Variants in SPATA17 observed in about 807,000 individuals in gnomAD.
The protein encoded by SPATA17 is spermatogenesis associated 17, also known as spermatogenesis-associated protein 17.
Under a neutral mutation model 62.2 loss-of-function variants are expected in SPATA17, and 53 were observed. The ratio of observed to expected loss-of-function variants is 0.85; its 90% CI spans 0.68 to 1.07. SPATA17 has a LOEUF of 1.07. SPATA17 is among the 50% of genes least tolerant of loss of function. The pLI, the probability that SPATA17 is intolerant of heterozygous loss-of-function variation, is 0.00. For synonymous variants in SPATA17, 146 were observed against 146.8 expected (o/e 0.99, Z 0.04); for missense variants, 466 against 425.5 (o/e 1.10, Z -0.84).
intron 5 of SPATA17, among the ~76,000 whole-genome samples, chr1:217,697,590 G>A (rs977958093): frequency 1.1e-4 from 16 of 151,942 alleles, no homozygotes; most frequent in East Asian, 1.9e-4. Context: ...AAAAATGCAC[G>A]GACTTTGAAA....
chr1:217,798,514 C>T (rs1275683415), intron 8 of SPATA17, among the ~76,000 whole-genome samples: 1 of 151,984 alleles, frequency 6.6e-6, no homozygotes, highest in East Asian at 1.9e-4. Context: ...AAATCTCTTC[C>T]AATAGAAGGT....
At chr1:217,763,244 T>C (rs1410397594) in intron 6 of SPATA17, among the ~76,000 whole-genome samples, 3 of 152,032 alleles carry the variant, frequency 2.0e-5, no homozygotes, top group Non-Finnish European at 4.4e-5. Flanking sequence ...ATAAGTGCCA[T>C]GAAGAAAATG....
intron 4 of SPATA17, among the ~76,000 whole-genome samples, chr1:217,681,512 T>C (rs1336305950): frequency 1.3e-5 from 2 of 152,008 alleles, no homozygotes; most frequent in African/African-American, 4.8e-5. Context: ...TAGCTGGGAC[T>C]ACAGGCGCAC....
intron 8 of SPATA17, among the ~76,000 whole-genome samples, chr1:217,790,145 T>C (rs1338641163): frequency 6.6e-6 from 1 of 152,154 alleles, no homozygotes; most frequent in Non-Finnish European, 1.5e-5. Context: ...AGGGTGATAG[T>C]TAAAGTTTAG....
chr1:217,641,719 G>A (rs1057086905), intron 1 of SPATA17, among the ~76,000 whole-genome samples: 1 of 152,044 alleles, frequency 6.6e-6, no homozygotes, highest in Admixed American at 6.6e-5. Context: ...TCATATGAGA[G>A]TAAGTTGCAA....
chr1:217,822,875 T>G (rs1224211560), intron 9 of SPATA17, among the ~76,000 whole-genome samples: 1 of 151,644 alleles, frequency 6.6e-6, no homozygotes, highest in Non-Finnish European at 1.5e-5. Flanking sequence ...TTTTCATACT[T>G]TTAATTCCCT....
intron 5 of SPATA17, among the ~76,000 whole-genome samples, chr1:217,729,333 G>T (rs1672343351): frequency 6.6e-6 from 1 of 152,168 alleles, no homozygotes; most frequent in African/African-American, 2.4e-5. Context: ...AAGGACATGA[G>T]TAGAGCACCA....
At chr1:217,638,882 G>A (rs1244366094) in intron 1 of SPATA17, among the ~76,000 whole-genome samples, 1 of 152,006 alleles carries the variant, frequency 6.6e-6, no homozygotes, top group Non-Finnish European at 1.5e-5. Flanking sequence ...ATATAAATAT[G>A]TTAGGAAGGC....
rs1026302793 is a variant in SPATA17 at position 217,869,779 on chromosome 1, T to G, written c.*2760T>G. 9 of 142,872 alleles carry G rather than the reference T, an allele frequency of 6.3e-5. No homozygotes were observed. Among genetic ancestry groups the G allele is most frequent in the African/African-American group, 1.8e-4 (7 of 39,876 alleles). 8.9% of individuals were successfully genotyped at this position (142,872 alleles called of 1,614,324 possible). A position where few individuals can be genotyped will look rare whatever the true frequency, so the allele number is the denominator to read the frequency against. On this transcript the variant is annotated 3_prime_UTR_variant, in exon 11 of 11. Transcript: ENST00000366933. Reference sequence around the variant, plus strand: ...CCACCCCCACCCCCACATCCTATAATGGCCTGAACTAGTTTTTCAGGTTAA... The same window carrying G: ...CCACCCCCACCCCCACATCCTATAAGGGCCTGAACTAGTTTTTCAGGTTAA...
rs1161821353 is a variant in SPATA17, at chr1:217,869,233, T to G, written c.*2214T>G. 2.0e-5 allele frequency: 3 copies of G among 152,472 alleles called. No homozygotes were observed. Among genetic ancestry groups the G allele is most frequent in the Non-Finnish European group, 2.9e-5 (2 of 68,286 alleles). The allele number at this position is 152,472 out of a possible 1,614,324, so 9.4% of individuals were successfully genotyped here. A position where few individuals can be genotyped will look rare whatever the true frequency, so the allele number is the denominator to read the frequency against. ...ATGGGGGGTGGGAGGATGTGGGAGA[T>G]GCTTCCAGGTCATAGTTGGAGTCAA... On this transcript the variant is annotated 3_prime_UTR_variant, in exon 11 of 11. Coordinates refer to ENST00000366933, the MANE Select transcript of SPATA17 (RefSeq NM_138796.4).
chr1:217,832,946 A>C (rs1336996978), intron 9 of SPATA17, among the ~76,000 whole-genome samples: 2 of 151,916 alleles, frequency 1.3e-5, no homozygotes. Flanking sequence ...CCCGTCTCAA[A>C]GAAAAAAAAA....
At chr1:217,760,167 A>G (rs969969186) in intron 6 of SPATA17, among the ~76,000 whole-genome samples, 3 of 152,188 alleles carry the variant, frequency 2.0e-5, no homozygotes, top group Non-Finnish European at 4.4e-5. Flanking sequence ...AAATTATGTT[A>G]CCACCAGAGA....
intron 10 of SPATA17, chr1:217,866,417 C>G (rs1676011280): frequency 2.6e-5 from 4 of 152,124 alleles, no homozygotes. Flanking sequence ...TAGTGGCACA[C>G]ATAATCAAGA....
intron 5 of SPATA17, among the ~76,000 whole-genome samples, chr1:217,714,203 C>T (rs568282474): frequency 1.9e-4 from 29 of 152,108 alleles, no homozygotes; most frequent in African/African-American, 6.5e-4. Flanking sequence ...GACTGGCCAA[C>T]ATGGTGAAAC....
chr1:217,662,306 GT>G (rs1670589194), intron 3 of SPATA17, among the ~76,000 whole-genome samples: 1 of 152,048 alleles, frequency 6.6e-6, no homozygotes, highest in South Asian at 2.1e-4. Context: ...TATAACTGTA[GT>G]CCTAGACAGG....
At chr1:217,777,021 C>T (rs11117928) in intron 7 of SPATA17, among the ~76,000 whole-genome samples, 36,968 of 151,314 alleles carry the variant, frequency 0.24, 4,886 homozygotes, top group East Asian at 0.52. Context: ...CAAAAGACTA[C>T]CCGACGGTGT....
In SPATA17 at chr1:217,864,918, GAA is replaced by G. The variant is rs376484627; in HGVS notation, c.*2+2063_*2+2064del. On this transcript the variant is annotated intron_variant, in intron 10 of 10. Coordinates refer to ENST00000366933, the MANE Select transcript of SPATA17 (RefSeq NM_138796.4). ...GGTGTAGATTATTTTTAATTAAAAA[GAA>G]TGTGCAATGCAAAGGCTCAAATATG... 2.4e-4 allele frequency among the ~76,000 whole-genome samples: 36 copies of G among 150,792 alleles called. No homozygotes were observed. The South Asian group carries it at 7.6e-3, about 32-fold the overall frequency.
At chr1:217,707,076 C>T (rs552156036) in intron 5 of SPATA17, among the ~76,000 whole-genome samples, 10 of 152,058 alleles carry the variant, frequency 6.6e-5, no homozygotes, top group South Asian at 4.2e-4. Context: ...CGTATTGGTC[C>T]GGCTTGTCTT....
chr1:217,852,059 T>A (rs922515452), intron 9 of SPATA17, among the ~76,000 whole-genome samples: 1 of 152,082 alleles, frequency 6.6e-6, no homozygotes, highest in African/African-American at 2.4e-5. Context: ...GGTGAACAAT[T>A]TCAAGGAAAA....
Sources: allele counts gnomAD v4.1 joint callset (sites outside exome capture counted in the v4.1 genomes callset), GRCh38; gene constraint gnomAD v4.1.1; transcripts MANE v1.5; gene names NCBI Gene and HGNC (gene_info 2026-07-23, HGNC 2026-07-21).